ITGAE: variants seen among roughly 807,000 people sequenced by gnomAD.
ITGAE encodes the protein integrin subunit alpha E.
Under a neutral mutation model 136.5 loss-of-function variants are expected in ITGAE, and 99 were observed. That is an observed-to-expected ratio of 0.73 (90% CI 0.62 to 0.86). The LOEUF is 0.86. Ranked by LOEUF, ITGAE falls within the 40% of genes least tolerant of loss-of-function variation. The pLI is 0.00. For missense variants in ITGAE, 1,447 were observed against 1,515.3 expected, an observed-to-expected ratio of 0.95 and a Z score of 0.75; for synonymous variants, 613 against 591.8, an observed-to-expected ratio of 1.04 and a Z score of -0.52.
rs530065793 is a variant in ITGAE at position 3,741,901 on chromosome 17, A to AC, written c.2448+1587dup. Reference sequence around the variant, plus strand: ...AGACCAGCCTGGCCAACATAGTGAAACCCCGTCTCTACTAAAAGTACAAAA... The same window carrying AC: ...AGACCAGCCTGGCCAACATAGTGAAACCCCCGTCTCTACTAAAAGTACAAAA... On this transcript the variant is annotated intron_variant, in intron 19 of 30. Coordinates refer to ENST00000263087, the MANE Select transcript of ITGAE (RefSeq NM_002208.5). Among the ~76,000 whole-genome samples, 362 of 152,228 alleles carry AC rather than the reference A, an allele frequency of 2.4e-3. 2 individuals are homozygous for AC. Among genetic ancestry groups the AC allele is most frequent in the Admixed American group, 6.7e-3 (102 of 15,280 alleles).
At chr17:3,732,995 T>C (rs2051380545) in intron 21 of ITGAE, among the ~76,000 whole-genome samples, 1 of 152,102 alleles carries the variant, frequency 6.6e-6, no homozygotes, top group Non-Finnish European at 1.5e-5. Flanking sequence ...TTTGTTTTCA[T>C]TTTTTTGAGA....
Position 3,757,316 on chromosome 17 carries a change from G to C in ITGAE, c.1021-182C>G, listed in dbSNP as rs2052052617. ...TGGGCAAAATTCCAGTTTTACCAAA[G>C]TACACCTGTTCTCCTGAATACACCA... On this transcript the variant is annotated intron_variant, in intron 9 of 30. Coordinates refer to ENST00000263087, the MANE Select transcript of ITGAE (RefSeq NM_002208.5). Among the ~76,000 whole-genome samples, 4 of 152,054 alleles carry C rather than the reference G, an allele frequency of 2.6e-5. No individual in the cohort carries two copies. The South Asian group carries it at 8.3e-4, about 31-fold the overall frequency.
At chr17:3,751,598 T>C (rs2051868356) in intron 15 of ITGAE, 52 bp downstream of exon 15, 2 of 1,534,706 alleles carry the variant, frequency 1.3e-6, no homozygotes. Context: ...TCATCATATC[T>C]GAGAGAGGTC....
intron 21 of ITGAE, among the ~76,000 whole-genome samples, chr17:3,732,807 A>G (rs1277529471): frequency 1.3e-5 from 2 of 152,116 alleles, no homozygotes; most frequent in African/African-American, 4.8e-5. Flanking sequence ...GGACTGATGC[A>G]AATATAACCC....
At chr17:3,796,561 G>A (rs1419891047) in intron 1 of ITGAE, among the ~76,000 whole-genome samples, 2 of 152,110 alleles carry the variant, frequency 1.3e-5, no homozygotes, top group African/African-American at 4.8e-5. Context: ...AGGTTGGAGA[G>A]AGTTATAACC....
At chr17:3,726,010 G>A (rs747716753) in intron 26 of ITGAE, 10 of 1,613,858 alleles carry the variant, frequency 6.2e-6, no homozygotes, top group Admixed American at 3.3e-5. Context: ...ACCCTGTCGC[G>A]CTTGGAACGG....
At chr17:3,795,751 G>A (rs554860235) in intron 1 of ITGAE, among the ~76,000 whole-genome samples, 1 of 152,112 alleles carries the variant, frequency 6.6e-6, no homozygotes, top group Non-Finnish European at 1.5e-5. Context: ...GCAGAGGCAC[G>A]GTGGCATGAG....
At chr17:3,731,660 C>T (rs2051347643) in intron 22 of ITGAE, among the ~76,000 whole-genome samples, 1 of 151,818 alleles carries the variant, frequency 6.6e-6, no homozygotes, top group Admixed American at 6.6e-5. Context: ...TCAGTTAAGC[C>T]TCAAATACAA....
intron 18 of ITGAE, among the ~76,000 whole-genome samples, chr17:3,743,825 C>T (rs544575697): frequency 1.7e-4 from 26 of 151,060 alleles, no homozygotes; most frequent in African/African-American, 6.3e-4. Context: ...ACCTCAGCCG[C>T]CCGAGTAGCT....
chr17:3,752,752 GAA>G (rs753597493), intron 14 of ITGAE, among the ~76,000 whole-genome samples: 11 of 130,910 alleles, frequency 8.4e-5, no homozygotes, highest in African/African-American at 2.5e-4. Context: ...CTCAGTCTCG[GAA>G]AAAAAAAAAA....
At chr17:3,734,216 A>T (rs374505682) in intron 21 of ITGAE, among the ~76,000 whole-genome samples, 7 of 146,376 alleles carry the variant, frequency 4.8e-5, no homozygotes, top group African/African-American at 1.0e-4. Context: ...GACTACAGGC[A>T]CCCGCCATCG....
At chr17:3,771,318 G>C (rs2052415868) in intron 2 of ITGAE, among the ~76,000 whole-genome samples, 1 of 152,116 alleles carries the variant, frequency 6.6e-6, no homozygotes, top group Admixed American at 6.6e-5. Flanking sequence ...CGTATGCCTC[G>C]TTGATACTAA....
chr17:3,790,631 C>T (rs1274615240), intron 1 of ITGAE, among the ~76,000 whole-genome samples: 1 of 152,096 alleles, frequency 6.6e-6, no homozygotes, highest in African/African-American at 2.4e-5. Flanking sequence ...GTTAAACTTC[C>T]AGTTTTCAGG....
chr17:3,780,361 A>G (rs765918811), intron 1 of ITGAE, among the ~76,000 whole-genome samples: 3 of 151,762 alleles, frequency 2.0e-5, no homozygotes, highest in Non-Finnish European at 4.4e-5. Context: ...AGGGGGTTTC[A>G]CCGTGTTAAG....
intron 19 of ITGAE, among the ~76,000 whole-genome samples, chr17:3,742,261 C>G (rs766768007): frequency 6.6e-6 from 1 of 152,100 alleles, no homozygotes; most frequent in Non-Finnish European, 1.5e-5. Flanking sequence ...AACTGTAGAA[C>G]GCTATGAATG....
At chr17:3,784,843 A>T (rs1440990134) in intron 1 of ITGAE, among the ~76,000 whole-genome samples, 4 of 152,212 alleles carry the variant, frequency 2.6e-5, no homozygotes, top group Non-Finnish European at 5.9e-5. Context: ...ACAAAAAGAA[A>T]ACTAGAGGTC....
At chr17:3,789,635 G>T (rs1292187338) in intron 1 of ITGAE, among the ~76,000 whole-genome samples, 1 of 151,968 alleles carries the variant, frequency 6.6e-6, no homozygotes, top group Admixed American at 6.6e-5. Context: ...CCTGTAGCTG[G>T]GATTGCAGGC....
intron 2 of ITGAE, among the ~76,000 whole-genome samples, 160 bp downstream of exon 2, chr17:3,777,380 C>A (rs1597359375): frequency 1.3e-5 from 2 of 152,224 alleles, no homozygotes; most frequent in Non-Finnish European, 1.5e-5. Flanking sequence ...CAGCCTCTCT[C>A]ACACCTTCTC....
intron 2 of ITGAE, 83 bp downstream of exon 2, chr17:3,777,457 T>C: frequency 6.7e-7 from 1 of 1,502,498 alleles, no homozygotes; most frequent in Non-Finnish European, 9.0e-7. Context: ...TGGGGTGGGC[T>C]GCCATGGCCG....
Sources: allele counts gnomAD v4.1 joint callset (sites outside exome capture counted in the v4.1 genomes callset), GRCh38; gene constraint gnomAD v4.1.1; transcripts MANE v1.5; gene names NCBI Gene and HGNC (gene_info 2026-07-23, HGNC 2026-07-21).